Variants in FILIP1 observed in about 807,000 individuals in gnomAD.
FILIP1 encodes the protein filamin-A-interacting protein 1.
FILIP1 carries 61 observed loss-of-function variants against 102.1 expected under a neutral mutation model. That is an observed-to-expected ratio of 0.60 (90% CI 0.49 to 0.74). FILIP1 has a LOEUF of 0.74. Ranked by LOEUF, FILIP1 falls within the 30% of genes least tolerant of loss-of-function variation. The pLI is 0.00. For missense variants in FILIP1, 1,314 were observed against 1,441.2 expected (o/e 0.91, Z 1.43); for synonymous variants, 491 against 526.9 (o/e 0.93, Z 0.93).
rs752287995 is a variant in FILIP1, at chr6:75,414,780, A to G, written c.193T>C (p.Cys65Arg). ...VKRHLKTSGE[C>R]ERKTKKSLEL... ...AGGGATTTCTTAGTTTTTCGTTCAC[A>G]TTCTCCAGATGTTTTTAGGTGTCGT... is the stretch of plus-strand genomic sequence containing the variant. The change falls in exon 2 of 6, where the codon TGT becomes CGT. Residue 65 changes from cysteine (C) to arginine (R), a missense_variant. Cys to Arg is a radical substitution (Grantham distance 180). This residue lies in a region of FILIP1 where 494 missense variants were observed against 511.2 expected (regional missense o/e 0.97). Transcript: ENST00000237172. The G allele has an allele frequency of 5.0e-6, 8 of 1,613,882 alleles. No individual in the cohort carries two copies. In the South Asian group the frequency reaches 6.6e-5, roughly 13 times the overall value.
rs139865150 is a variant in FILIP1, at chr6:75,351,643, T to C, written c.629+1896A>G. On this transcript the variant is annotated intron_variant, in intron 4 of 5. Coordinates refer to ENST00000237172, the MANE Select transcript of FILIP1 (RefSeq NM_015687.5). Reference sequence around the variant, plus strand: ...CAGTAGAGTAACATGCTGTACAGTTTTGTAGCCTAAGAGTAACAGGCTGTG... The same window carrying C: ...CAGTAGAGTAACATGCTGTACAGTTCTGTAGCCTAAGAGTAACAGGCTGTG... Among the ~76,000 whole-genome samples, 6 of 152,332 alleles carry C rather than the reference T, an allele frequency of 3.9e-5. No homozygotes were observed. The East Asian group carries it at 1.2e-3, about 29-fold the overall frequency.
At chr6:75,451,562 G>A (rs1778632095) in intron 1 of FILIP1, among the ~76,000 whole-genome samples, 1 of 152,014 alleles carries the variant, frequency 6.6e-6, no homozygotes, top group Non-Finnish European at 1.5e-5. Context: ...CAGGCACAGT[G>A]GCTCCGGCCT....
rs1359723440 is a variant in FILIP1, at chr6:75,493,733, T to C, written c.-326A>G. On this transcript the variant is annotated 5_prime_UTR_variant, in exon 1 of 6. Transcript: ENST00000237172. ...TTTTTTCTACTGTTGCTAGGTGTTG[T>C]TGGGTTCGGAGATTAGGTTTCTCCT... is the stretch of plus-strand genomic sequence containing the variant. The C allele has an allele frequency of 1.3e-5, 2 of 152,172 alleles. No homozygotes were observed. Among genetic ancestry groups the C allele is most frequent in the African/African-American group, 2.4e-5 (1 of 41,438 alleles). 9.4% of individuals were successfully genotyped at this position (152,172 alleles called of 1,614,324 possible). A position where few individuals can be genotyped will look rare whatever the true frequency, so the allele number is the denominator to read the frequency against.
At chr6:75,363,985 A>G (rs1775248756) in intron 2 of FILIP1, among the ~76,000 whole-genome samples, 1 of 152,204 alleles carries the variant, frequency 6.6e-6, no homozygotes, top group South Asian at 2.1e-4. Context: ...GTAGTCAACT[A>G]TGAGTATTCA....
At chr6:75,352,832 CTTCATTGATCAAGTTTATATTTA>C (rs1774856588) in intron 4 of FILIP1, among the ~76,000 whole-genome samples, 1 of 148,336 alleles carries the variant, frequency 6.7e-6, no homozygotes, top group Admixed American at 6.8e-5. Flanking sequence ...AATGTAGGTG[CTTCATTGATCAAGTTTATATTTA>C]AATGTAGTTT....
At chr6:75,345,871 C>T (rs192739837) in intron 4 of FILIP1, among the ~76,000 whole-genome samples, 3 of 152,184 alleles carry the variant, frequency 2.0e-5, no homozygotes, top group Admixed American at 6.5e-5. Flanking sequence ...GGGTATTTAC[C>T]CCAGACAGCA....
chr6:75,368,316 G>A (rs955547172), intron 2 of FILIP1, among the ~76,000 whole-genome samples: 6 of 152,208 alleles, frequency 3.9e-5, no homozygotes, highest in African/African-American at 1.4e-4. Context: ...GCGATTCATC[G>A]TATAAAGTCA....
In FILIP1 at chr6:75,314,682, G is replaced by T; in HGVS notation, c.1150C>A (p.Arg384=). The change falls in exon 5 of 6, where the codon CGA becomes AGA. Residue 384 remains arginine, a synonymous_variant. Coordinates refer to ENST00000237172, the MANE Select transcript of FILIP1 (RefSeq NM_015687.5). ...SSLMAEVENL[R]KRVLEMEGKD... ...CCTTCCATTTCAAGCACACGCTTTC[G>T]AAGATTTTCCACTTCTGCCATGAGG... 6.2e-7 allele frequency: 1 copy of T among 1,613,756 alleles called. No homozygotes were observed. The highest frequency in any genetic ancestry group is 8.5e-7 in the Non-Finnish European group (1 of 1,179,970).
chr6:75,445,876 C>T (rs185052421), intron 1 of FILIP1, among the ~76,000 whole-genome samples: 1 of 152,070 alleles, frequency 6.6e-6, no homozygotes, highest in Admixed American at 6.6e-5. Context: ...TGCTTAATAC[C>T]TATTAACAAC....
At chr6:75,446,824 A>G (rs1778457308) in intron 1 of FILIP1, among the ~76,000 whole-genome samples, 1 of 152,112 alleles carries the variant, frequency 6.6e-6, no homozygotes, top group Admixed American at 6.5e-5. Flanking sequence ...ACAGTTCTGT[A>G]ATTTGGGGAG....
intron 4 of FILIP1, among the ~76,000 whole-genome samples, chr6:75,337,990 C>A (rs554857327): frequency 6.6e-6 from 1 of 152,276 alleles, no homozygotes; most frequent in South Asian, 2.1e-4. Flanking sequence ...CTAGAGCATT[C>A]CTCCCCTCTA....
At chr6:75,372,086 G>A (rs2951944) in intron 2 of FILIP1, among the ~76,000 whole-genome samples, 6,863 of 152,116 alleles carry the variant, frequency 0.045, 426 homozygotes, top group African/African-American at 0.13. Flanking sequence ...CCAGAGGCCG[G>A]GTGCAGTGGC....
chr6:75,394,139 C>A (rs1001440348), intron 2 of FILIP1, among the ~76,000 whole-genome samples: 9 of 152,156 alleles, frequency 5.9e-5, no homozygotes, highest in African/African-American at 2.2e-4. Flanking sequence ...TCCTTTCACT[C>A]TTTTAGGCTT....
chr6:75,318,222 TAC>T (rs944437363), intron 4 of FILIP1, among the ~76,000 whole-genome samples: 5 of 150,004 alleles, frequency 3.3e-5, no homozygotes, highest in African/African-American at 1.2e-4. Context: ...TCAATTATTA[TAC>T]AGTCTTTTTT....
In FILIP1 at chr6:75,475,516, TA is replaced by T. The variant is rs1310004342; in HGVS notation, c.-7+17897del. ...TATGATGATGTTGTTATTAAAACAATAAAAAATCTTTCTGAGGTTTAGAAAG... is the reference window on the plus strand; with the variant it reads ...TATGATGATGTTGTTATTAAAACAATAAAAATCTTTCTGAGGTTTAGAAAG... On this transcript the variant is annotated intron_variant, in intron 1 of 5. Transcript: ENST00000237172. Among the ~76,000 whole-genome samples the T allele has an allele frequency of 2.0e-5, 3 of 152,162 alleles. No homozygotes were observed. In the East Asian group the frequency reaches 5.8e-4, roughly 29 times the overall value.
chr6:75,304,231 T>TATTG (rs2149536690), downstream of FILIP1, among the ~76,000 whole-genome samples: 1 of 152,304 alleles, frequency 6.6e-6, no homozygotes, highest in South Asian at 2.1e-4. Flanking sequence ...TTTATTTATT[T>TATTG]TGAGACAGGG....
intron 1 of FILIP1, among the ~76,000 whole-genome samples, chr6:75,478,163 G>C (rs1159458921): frequency 6.6e-6 from 1 of 152,142 alleles, no homozygotes; most frequent in Non-Finnish European, 1.5e-5. Context: ...ATTCTTTGCA[G>C]GATCAAAGAG....
chr6:75,397,380 T>C (rs1776497978), intron 2 of FILIP1, among the ~76,000 whole-genome samples: 1 of 151,706 alleles, frequency 6.6e-6, no homozygotes, highest in South Asian at 2.1e-4. Flanking sequence ...AAGCTAGGAA[T>C]TTACATTCCA....
At chr6:75,372,663 AAGAAAGAAAGAAAGAAAGAAAG>A (rs1222157574) in intron 2 of FILIP1, among the ~76,000 whole-genome samples, 5 of 67,390 alleles carry the variant, frequency 7.4e-5, no homozygotes, top group African/African-American at 4.2e-4. Flanking sequence ...GAAAGAAAGA[AAGAAAGAAAGAAAGAAAGAAAG>A]AGAAAGAAAG....
Sources: allele counts gnomAD v4.1 joint callset (sites outside exome capture counted in the v4.1 genomes callset), GRCh38; gene constraint gnomAD v4.1.1; regional missense constraint gnomAD v4.1.1; transcripts MANE v1.5; gene names NCBI Gene and HGNC (gene_info 2026-07-23, HGNC 2026-07-21).